The following SAMD5 variants were observed in gnomAD, a reference collection of about 807,000 sequenced individuals.
SAMD5 encodes the protein sterile alpha motif domain-containing protein 5.
In SAMD5, 13 loss-of-function variants were observed where a neutral mutation model predicts 11.3. The ratio of observed to expected loss-of-function variants is 1.15; its 90% confidence interval spans 0.75 to 1.83. The LOEUF (loss-of-function observed/expected upper bound fraction) is 1.83. Among genes scored for constraint, SAMD5 ranks in the 40% most tolerant of loss-of-function variants. The probability of loss-of-function intolerance (pLI) is 0.00; values close to 1 mark genes in which losing one functional copy is unlikely to be tolerated. For synonymous variants in SAMD5, 129 were observed against 111.3 expected, an observed-to-expected ratio of 1.16 and a Z score of -1.00; for missense variants, 255 against 239.1, an observed-to-expected ratio of 1.07 and a Z score of -0.44.
At chr6:147,952,879 A>G in the SAMD5 span, among the ~76,000 whole-genome samples, 90 of 152,372 alleles carry the variant, frequency 5.9e-4, no homozygotes, top group Non-Finnish European at 1.0e-3. Context: ...ATTTCATTTC[A>G]TAATGTATTA....
chr6:147,544,023 T>G (rs923714193), intron 1 of SAMD5, among the ~76,000 whole-genome samples: 2 of 152,212 alleles, frequency 1.3e-5, no homozygotes, highest in Non-Finnish European at 2.9e-5. Flanking sequence ...AAAATTATAA[T>G]GCAGATAATT....
intron 1 of SAMD5, among the ~76,000 whole-genome samples, chr6:147,723,106 T>C (rs779879613): frequency 6.6e-6 from 1 of 152,154 alleles, no homozygotes; most frequent in Non-Finnish European, 1.5e-5. Context: ...ACTCAGCCCA[T>C]GTTAGGGCCA....
chr6:147,605,757 ATGAGT>A (rs1789690123), intron 1 of SAMD5, among the ~76,000 whole-genome samples: 1 of 152,160 alleles, frequency 6.6e-6, no homozygotes, highest in Non-Finnish European at 1.5e-5. Flanking sequence ...AGATGGAGTG[ATGAGT>A]TGAGCCGAAA....
the SAMD5 span, among the ~76,000 whole-genome samples, chr6:147,917,451 A>T: frequency 1.3e-5 from 2 of 151,702 alleles, no homozygotes; most frequent in African/African-American, 2.4e-5. Flanking sequence ...TAGATTCTGG[A>T]TATTAGCCCT....
At chr6:147,930,936 T>C in the SAMD5 span, among the ~76,000 whole-genome samples, 2 of 152,168 alleles carry the variant, frequency 1.3e-5, no homozygotes, top group Non-Finnish European at 1.5e-5. Flanking sequence ...GTCCACTGAC[T>C]CACATGTCAG....
chr6:147,761,368 T>C, the SAMD5 span, among the ~76,000 whole-genome samples: 2 of 152,136 alleles, frequency 1.3e-5, no homozygotes, highest in Non-Finnish European at 2.9e-5. Context: ...ATCCAGAAAT[T>C]AGGATTTTAT....
the SAMD5 span, among the ~76,000 whole-genome samples, chr6:147,870,818 G>A: frequency 7.1e-6 from 1 of 140,778 alleles, no homozygotes; most frequent in African/African-American, 2.6e-5. Flanking sequence ...GAGGGAGGAG[G>A]AGGGGAGGGG....
chr6:147,857,945 G>A, the SAMD5 span, among the ~76,000 whole-genome samples: 1 of 151,142 alleles, frequency 6.6e-6, no homozygotes, highest in African/African-American at 2.4e-5. Context: ...CCCTTCCTTG[G>A]GTTCTGTCCC....
the SAMD5 span, among the ~76,000 whole-genome samples, chr6:147,933,900 G>A: frequency 6.6e-6 from 1 of 152,144 alleles, no homozygotes. Flanking sequence ...CAAGTTGCAG[G>A]TGACCTTTCA....
At chr6:147,882,834 A>G in the SAMD5 span, among the ~76,000 whole-genome samples, 2 of 152,274 alleles carry the variant, frequency 1.3e-5, no homozygotes, top group Admixed American at 1.3e-4. Flanking sequence ...AGCAAAATTT[A>G]GAAGACAAGT....
chr6:147,913,812 C>T, the SAMD5 span, among the ~76,000 whole-genome samples: 1 of 152,216 alleles, frequency 6.6e-6, no homozygotes, highest in Non-Finnish European at 1.5e-5. Flanking sequence ...TATGCACATA[C>T]ATGCATGTGT....
intron 1 of SAMD5, among the ~76,000 whole-genome samples, chr6:147,637,789 G>A (rs929507520): frequency 2.0e-4 from 31 of 152,004 alleles, no homozygotes; most frequent in African/African-American, 7.0e-4. Flanking sequence ...TCAGGAAAAC[G>A]AATGGTAGGC....
intron 1 of SAMD5, chr6:147,730,243 G>C: frequency 2.7e-6 from 1 of 367,690 alleles, no homozygotes. Context: ...TTTGAGCAAA[G>C]ATATGAAATT....
chr6:147,768,461 G>T, the SAMD5 span, among the ~76,000 whole-genome samples: 11,045 of 152,120 alleles, frequency 0.073, 525 homozygotes, highest in Non-Finnish European at 0.1. Flanking sequence ...TCGCACCACT[G>T]CACTCCAGCC....
intron 1 of SAMD5, among the ~76,000 whole-genome samples, chr6:147,529,660 C>G (rs957899828): frequency 1.3e-5 from 2 of 152,098 alleles, no homozygotes; most frequent in African/African-American, 2.4e-5. Context: ...TAATGATTTC[C>G]TTGGGTCATT....
intron 1 of SAMD5, among the ~76,000 whole-genome samples, chr6:147,615,222 T>A (rs1789848117): frequency 6.7e-6 from 1 of 150,268 alleles, no homozygotes; most frequent in South Asian, 2.1e-4. Flanking sequence ...CTAAGCAGAA[T>A]AAAAGTATAC....
chr6:147,803,066 A>T, the SAMD5 span, among the ~76,000 whole-genome samples: 1 of 152,144 alleles, frequency 6.6e-6, no homozygotes, highest in African/African-American at 2.4e-5. Flanking sequence ...ATAAATGTTG[A>T]CAAATGGACA....
At chr6:147,515,804 A>G (rs908580008) in intron 1 of SAMD5, among the ~76,000 whole-genome samples, 1 of 152,142 alleles carries the variant, frequency 6.6e-6, no homozygotes, top group African/African-American at 2.4e-5. Flanking sequence ...GAAGGATTGG[A>G]GGATGTTGCA....
At chr6:147,557,225 A>T (rs904916374) in intron 1 of SAMD5, among the ~76,000 whole-genome samples, 1 of 152,256 alleles carries the variant, frequency 6.6e-6, no homozygotes, top group Non-Finnish European at 1.5e-5. Flanking sequence ...CTGAATAAAA[A>T]TAAAATACTT....
Sources: gnomAD v4.1 joint callset for allele counts (sites outside exome capture counted in the v4.1 genomes callset) on GRCh38, gnomAD v4.1.1 for gene constraint, MANE v1.5 for transcripts, NCBI Gene and HGNC (gene_info 2026-07-23, HGNC 2026-07-21) for gene names.